Variants in R3HCC1L observed in about 807,000 individuals in gnomAD.
R3HCC1L encodes the protein coiled-coil domain-containing protein R3HCC1L.
In R3HCC1L, 51 loss-of-function variants were observed where a neutral mutation model predicts 59.9. The observed-to-expected ratio is 0.85, with a 90% CI of 0.68 to 1.07. R3HCC1L has a LOEUF of 1.07. R3HCC1L is among the 50% of genes least tolerant of loss of function. The pLI is 0.00. For missense variants in R3HCC1L, 965 were observed against 933.0 expected (o/e 1.03, Z -0.45); for synonymous variants, 322 against 315.2 (o/e 1.02, Z -0.23).
chr10:98,206,963 G>A (rs1489948480), intron 4 of R3HCC1L, among the ~76,000 whole-genome samples: 2 of 152,204 alleles, frequency 1.3e-5, no homozygotes, highest in Admixed American at 6.5e-5. Context: ...TCAGGGCCAC[G>A]GTATTACTTG....
chr10:98,143,000 T>C lies in R3HCC1L; in HGVS notation c.-268+8294T>C, dbSNP rs192295430. Among the ~76,000 whole-genome samples the C allele has an allele frequency of 1.1e-3, 170 of 151,830 alleles. 1 individual carries two copies. Among genetic ancestry groups the C allele is most frequent in the African/African-American group, 4.0e-3 (167 of 41,444 alleles). On this transcript the variant is annotated intron_variant, in intron 1 of 9. Coordinates refer to ENST00000298999, the MANE Select transcript of R3HCC1L (RefSeq NM_001351015.2). ...AAAACAGAAGAAGAAGAAATACTAA[T>C]GTGTTTGATTCTGGTTGGAATATTT...
Position 98,208,215 on chromosome 10 carries a change from G to C in R3HCC1L, c.101G>C (p.Gly34Ala), listed in dbSNP as rs749930292. ...ARRGAVLLKTGDEEESCGSPN... is the reference protein window; with the variant it reads ...ARRGAVLLKTADEEESCGSPN... ...AGGGGTGCAGTACTCCTTAAGACAG[G>C]TGATGAAGAAGAAAGCTGTGGTTCA... Residue 34 changes from glycine (G) to alanine (A), a missense_variant, in exon 5 of 10, where the codon GGT becomes GCT. Physicochemically the swap from Gly to Ala is moderately conservative, Grantham distance 60. Transcript: ENST00000298999. 1.2e-6 allele frequency: 2 copies of C among 1,613,962 alleles called. No individual in the cohort carries two copies. The highest frequency in any genetic ancestry group is 1.7e-5 in the Admixed American group (1 of 59,996).
chr10:98,169,462 C>G (rs1000429526), intron 4 of R3HCC1L, among the ~76,000 whole-genome samples: 1 of 152,172 alleles, frequency 6.6e-6, no homozygotes, highest in Non-Finnish European at 1.5e-5. Flanking sequence ...ACCACAGTCC[C>G]TGTCATGTAG....
intron 9 of R3HCC1L, among the ~76,000 whole-genome samples, chr10:98,242,334 G>A (rs189290439): frequency 1.3e-5 from 2 of 152,250 alleles, no homozygotes; most frequent in African/African-American, 4.8e-5. Flanking sequence ...GGGTGACAGA[G>A]CGAGACTCCA....
intron 4 of R3HCC1L, among the ~76,000 whole-genome samples, chr10:98,182,440 G>A (rs1335209742): frequency 1.3e-5 from 2 of 152,124 alleles, no homozygotes; most frequent in Non-Finnish European, 2.9e-5. Context: ...GCTATATGAG[G>A]TGTCAGTCGG....
intron 4 of R3HCC1L, among the ~76,000 whole-genome samples, chr10:98,181,294 G>A (rs909990130): frequency 1.3e-5 from 2 of 151,946 alleles, no homozygotes; most frequent in Admixed American, 1.3e-4. Context: ...TTATGAAGCT[G>A]GATATGAAAT....
intron 4 of R3HCC1L, among the ~76,000 whole-genome samples, chr10:98,170,258 T>C (rs556139030): frequency 2.2e-4 from 33 of 152,040 alleles, no homozygotes; most frequent in Admixed American, 7.2e-4. Flanking sequence ...ACCACTCTAA[T>C]AGTCTTAGAT....
chr10:98,151,586 T>C (rs1477541224), intron 1 of R3HCC1L, among the ~76,000 whole-genome samples: 3 of 152,218 alleles, frequency 2.0e-5, no homozygotes, highest in Non-Finnish European at 2.9e-5. Context: ...GCTAGTGGAA[T>C]GATAGGCAGC....
intron 4 of R3HCC1L, among the ~76,000 whole-genome samples, chr10:98,179,555 T>G (rs1849413017): frequency 6.6e-6 from 1 of 152,194 alleles, no homozygotes; most frequent in Non-Finnish European, 1.5e-5. Context: ...CAGGCTTTGG[T>G]ATCAGGATGA....
intron 1 of R3HCC1L, among the ~76,000 whole-genome samples, chr10:98,143,499 C>A (rs1225355801): frequency 6.6e-6 from 1 of 152,112 alleles, no homozygotes; most frequent in African/African-American, 2.4e-5. Flanking sequence ...TGTTCTTTGC[C>A]TTTTTGCCAT....
intron 5 of R3HCC1L, among the ~76,000 whole-genome samples, chr10:98,229,560 A>T (rs1253153531): frequency 3.3e-5 from 5 of 152,132 alleles, no homozygotes; most frequent in Non-Finnish European, 7.3e-5. Flanking sequence ...TTCCTAATTG[A>T]TTACCCTTTA....
At chr10:98,198,839 G>A (rs1394024217) in intron 4 of R3HCC1L, among the ~76,000 whole-genome samples, 1 of 152,064 alleles carries the variant, frequency 6.6e-6, no homozygotes, top group Non-Finnish European at 1.5e-5. Flanking sequence ...TTAGGGATAT[G>A]GCAAGATCTT....
intron 4 of R3HCC1L, among the ~76,000 whole-genome samples, chr10:98,191,859 C>G (rs1000607211): frequency 3.3e-5 from 5 of 152,158 alleles, no homozygotes; most frequent in Non-Finnish European, 5.9e-5. Context: ...GAGTCTCACT[C>G]TGTTGCCCAG....
At chr10:98,215,401 TA>T (rs1349926297) in intron 5 of R3HCC1L, among the ~76,000 whole-genome samples, 13 of 144,280 alleles carry the variant, frequency 9.0e-5, no homozygotes, top group Admixed American at 7.4e-4. Flanking sequence ...TAATTAGACA[TA>T]AATTTTTTTT....
chr10:98,169,461 CCT>C (rs1177214142), intron 4 of R3HCC1L, among the ~76,000 whole-genome samples: 1 of 152,102 alleles, frequency 6.6e-6, no homozygotes, highest in Non-Finnish European at 1.5e-5. Flanking sequence ...TACCACAGTC[CCT>C]GTCATGTAGT....
rs867369065 is a variant in R3HCC1L at position 98,208,217 on chromosome 10, G to T, written c.103G>T (p.Asp35Tyr). ...GGGTGCAGTACTCCTTAAGACAGGTGATGAAGAAGAAAGCTGTGGTTCACC... is the reference window on the plus strand; with the variant it reads ...GGGTGCAGTACTCCTTAAGACAGGTTATGAAGAAGAAAGCTGTGGTTCACC... ...RRGAVLLKTG[D>Y]EEESCGSPNS... is the part of the protein sequence containing the mutation. Residue 35 changes from aspartate (D) to tyrosine (Y), a missense_variant, in exon 5 of 10, where the codon GAT becomes TAT. Transcript: ENST00000298999. The T allele has an allele frequency of 6.2e-7, 1 of 1,614,072 alleles. No homozygotes were observed.
Position 98,163,319 on chromosome 10 carries a change from T to C in R3HCC1L, c.-93T>C. On this transcript the variant is annotated 5_prime_UTR_variant, in exon 4 of 10. Coordinates refer to ENST00000298999, the MANE Select transcript of R3HCC1L (RefSeq NM_001351015.2). Reference sequence around the variant, plus strand: ...TGAGGCTGCTGTCAGAAAGGAACTTTTACACAGTTTGCCTTCAGAGACAGT... The same window carrying C: ...TGAGGCTGCTGTCAGAAAGGAACTTCTACACAGTTTGCCTTCAGAGACAGT... 2 of 1,004,034 alleles carry C rather than the reference T, an allele frequency of 2.0e-6. No homozygotes were observed. The highest frequency in any genetic ancestry group is 2.7e-6 in the Non-Finnish European group (2 of 743,154). 62.2% of individuals were successfully genotyped at this position (1,004,034 alleles called of 1,614,324 possible). A position where few individuals can be genotyped will look rare whatever the true frequency, so the allele number is the denominator to read the frequency against.
At chr10:98,204,954 T>A (rs1852475312) in intron 4 of R3HCC1L, among the ~76,000 whole-genome samples, 1 of 152,124 alleles carries the variant, frequency 6.6e-6, no homozygotes, top group Non-Finnish European at 1.5e-5. Flanking sequence ...TCCACAAGAA[T>A]GGGGATGCTT....
chr10:98,177,637 G>A (rs1339554124), intron 4 of R3HCC1L, among the ~76,000 whole-genome samples: 1 of 152,016 alleles, frequency 6.6e-6, no homozygotes, highest in Non-Finnish European at 1.5e-5. Flanking sequence ...ACTAGTTTAC[G>A]CTCCCACTAA....
Sources: gnomAD v4.1 joint callset for allele counts (sites outside exome capture counted in the v4.1 genomes callset) on GRCh38, gnomAD v4.1.1 for gene constraint, MANE v1.5 for transcripts, NCBI Gene and HGNC (gene_info 2026-07-23, HGNC 2026-07-21) for gene names.